The following MFAP3L variants were observed in gnomAD, a reference collection of about 807,000 sequenced individuals.
The protein encoded by MFAP3L is microfibril associated protein 3 like, also known as microfibrillar-associated protein 3-like.
A neutral mutation model predicts 20.0 loss-of-function variants in MFAP3L; 5 were observed. The observed-to-expected ratio is 0.25, with a 90% CI of 0.13 to 0.53. The LOEUF is 0.53. Among genes scored for constraint, MFAP3L ranks in the 20% least tolerant of loss-of-function variants. The pLI, the probability that MFAP3L is intolerant of heterozygous loss-of-function variation, is 0.96. For synonymous variants in MFAP3L, 219 were observed against 213.0 expected, an observed-to-expected ratio of 1.03 and a Z score of -0.25; for missense variants, 409 against 527.5, an observed-to-expected ratio of 0.78 and a Z score of 2.20.
At chr4:170,004,437 A>C (rs1464130061) in intron 2 of MFAP3L, among the ~76,000 whole-genome samples, 1 of 152,214 alleles carries the variant, frequency 6.6e-6, no homozygotes, top group Admixed American at 6.5e-5. Context: ...GAAGCTTTAT[A>C]ATGCTCTACA....
In MFAP3L at chr4:169,991,613, T is replaced by G. The variant is rs747565582; in HGVS notation, c.995A>C (p.Asp332Ala). Residue 332 changes from aspartate to alanine, a missense_variant, in exon 3 of 3, where the codon GAC (aspartate) becomes GCC (alanine). Around this residue, in one of 3 missense-constraint regions of MFAP3L, gnomAD observed 169 missense variants for 178.2 expected, o/e 0.95. Coordinates refer to ENST00000361618, the MANE Select transcript of MFAP3L (RefSeq NM_021647.8). This position sits in a 1 kb window ranked among gnomAD's most constrained non-coding sequence, Gnocchi z 4.9. ...GACTTCAAACTGTCCACCCTCTTGG[T>G]CATCTGCATGCTCTTTTTTGGACTG... ...HPQSKKEHAD[D>A]QEGGQFEVKD... 6.2e-7 allele frequency: 1 copy of G among 1,614,184 alleles called. No homozygotes were observed. The highest frequency in any genetic ancestry group is 8.5e-7 in the Non-Finnish European group (1 of 1,180,036).
chr4:170,010,717 A>G (rs1739322827), intron 1 of MFAP3L, among the ~76,000 whole-genome samples: 1 of 151,658 alleles, frequency 6.6e-6, no homozygotes, highest in African/African-American at 2.4e-5. Flanking sequence ...TGAGCTGTTC[A>G]TGTCATCAGA....
rs756989203 is a variant in MFAP3L at position 169,991,639 on chromosome 4, C to T, written c.969G>A (p.Pro323=). The stretch of plus-strand genomic sequence containing the variant: ...CATCTGCATGCTCTTTTTTGGACTG[C>T]GGGTGAACTGACACCTTGATGGCAA... The part of the protein sequence containing the change: ...QQIAIKVSVH[P]QSKKEHADDQ... Residue 323 remains proline (P), a synonymous_variant, in exon 3 of 3, where the codon CCG becomes CCA. Coordinates refer to ENST00000361618, the MANE Select transcript of MFAP3L (RefSeq NM_021647.8). The surrounding 1 kb of genome is among the most constrained non-coding windows in gnomAD (Gnocchi z 4.9). The T allele has an allele frequency of 1.9e-5, 31 of 1,614,002 alleles. No homozygotes were observed. Among genetic ancestry groups the T allele is most frequent in the Non-Finnish European group, 2.4e-5 (28 of 1,180,022 alleles).
chr4:170,006,117 T>A, intron 1 of MFAP3L, 107 bp from the exon 2 acceptor site: 7 of 531,206 alleles, frequency 1.3e-5, no homozygotes, highest in Admixed American at 1.1e-4. Context: ...TCAACATACT[T>A]TTTTTTTTTT....
intron 1 of MFAP3L, among the ~76,000 whole-genome samples, chr4:170,013,769 T>C (rs374592843): frequency 6.6e-6 from 1 of 152,222 alleles, no homozygotes; most frequent in African/African-American, 2.4e-5. Flanking sequence ...GAGCACATAA[T>C]GTCAAATTCT....
intron 1 of MFAP3L, among the ~76,000 whole-genome samples, chr4:170,010,745 A>C (rs1560984536): frequency 6.6e-6 from 1 of 151,224 alleles, no homozygotes; most frequent in Non-Finnish European, 1.5e-5. Context: ...CTGGTCAACA[A>C]CCGGCTATTA....
chr4:169,989,856 C>T lies in MFAP3L; in HGVS notation c.*1522G>A, dbSNP rs1403113040. 2.0e-5 allele frequency: 3 copies of T among 152,196 alleles called. No individual in the cohort carries two copies. Among genetic ancestry groups the T allele is most frequent in the Non-Finnish European group, 4.4e-5 (3 of 68,032 alleles). The allele number at this position is 152,196 out of a possible 1,614,324, so 9.4% of individuals were successfully genotyped here. A position where few individuals can be genotyped will look rare whatever the true frequency, so the allele number is the denominator to read the frequency against. On this transcript the variant is annotated 3_prime_UTR_variant, in exon 3 of 3. Coordinates refer to ENST00000361618, the MANE Select transcript of MFAP3L (RefSeq NM_021647.8). ...TTAAATCTTAATTGCAGATGTGGTC[C>T]TAATGGTTTTTTTGGAAGGAGAAGA...
At chr4:170,000,498 T>G (rs770930399) in intron 2 of MFAP3L, among the ~76,000 whole-genome samples, 39 of 152,186 alleles carry the variant, frequency 2.6e-4, no homozygotes, top group Non-Finnish European at 4.4e-4. Flanking sequence ...GCTTGCTATA[T>G]TCCAGGTACC....
At position 170,004,988 on chromosome 4, in the gene MFAP3L, T is replaced by C. The variant is rs1242890597; in HGVS notation, c.298+592A>G. 2.6e-5 allele frequency: 4 copies of C among 152,690 alleles called. No homozygotes were observed. The East Asian group carries it at 7.7e-4, about 29-fold the overall frequency. 9.5% of individuals were successfully genotyped at this position (152,690 alleles called of 1,614,324 possible). A position where few individuals can be genotyped will look rare whatever the true frequency, so the allele number is the denominator to read the frequency against. ...TTTCCCGGAGTGAGGTGACTCACAC[T>C]TTTTGGTCAGAAATGCATTTATTAA... is the stretch of plus-strand genomic sequence containing the variant. On this transcript the variant is annotated intron_variant, in intron 2 of 2. Transcript: ENST00000361618.
chr4:170,015,014 C>T (rs1739610000), intron 1 of MFAP3L, among the ~76,000 whole-genome samples: 1 of 152,220 alleles, frequency 6.6e-6, no homozygotes, highest in Non-Finnish European at 1.5e-5. Flanking sequence ...GAAGAATTCA[C>T]TGCAGGTCTC....
intron 2 of MFAP3L, 137 bp downstream of exon 2, chr4:170,005,443 T>C: frequency 1.0e-6 from 1 of 995,678 alleles, no homozygotes; most frequent in Non-Finnish European, 1.5e-6. Flanking sequence ...AGGATATATA[T>C]TCTCTCCTGC....
intron 2 of MFAP3L, chr4:169,994,976 C>CA (rs1738029951): frequency 6.6e-6 from 1 of 152,128 alleles, no homozygotes; most frequent in Non-Finnish European, 1.5e-5. Context: ...TTACCTATAG[C>CA]ATGAGCTGTA....
At chr4:170,021,321 A>G (rs1466636090) in intron 1 of MFAP3L, among the ~76,000 whole-genome samples, 1 of 152,142 alleles carries the variant, frequency 6.6e-6, no homozygotes, top group African/African-American at 2.4e-5. Flanking sequence ...TCTCACTCCT[A>G]AATATCTGGC....
rs1288173290 is a variant in MFAP3L, at chr4:169,990,880, A to G, written c.*498T>C. 1.3e-5 allele frequency: 2 copies of G among 156,674 alleles called. No homozygotes were observed. Among genetic ancestry groups the G allele is most frequent in the Admixed American group, 1.2e-4 (2 of 16,330 alleles). 9.7% of individuals were successfully genotyped at this position (156,674 alleles called of 1,614,324 possible). The stretch of plus-strand genomic sequence containing the variant: ...GGACAAAAGTGGCAATGAGGACTAA[A>G]CCAGAAAGAACAATTAGTATTAATA... On this transcript the variant is annotated 3_prime_UTR_variant, in exon 3 of 3. Coordinates refer to ENST00000361618, the MANE Select transcript of MFAP3L (RefSeq NM_021647.8).
chr4:170,006,611 GCT>G (rs1739052814), intron 1 of MFAP3L: 2 of 152,248 alleles, frequency 1.3e-5, no homozygotes, highest in South Asian at 4.1e-4. Context: ...ACCATGACAA[GCT>G]CTCTTTCCTC....
intron 2 of MFAP3L, among the ~76,000 whole-genome samples, chr4:169,995,404 G>A (rs879616397): frequency 5.9e-5 from 9 of 152,094 alleles, no homozygotes; most frequent in Non-Finnish European, 1.3e-4. Flanking sequence ...GCCTCAGCCT[G>A]CCCTTCCATT....
intron 2 of MFAP3L, among the ~76,000 whole-genome samples, chr4:170,003,337 G>A (rs1738805895): frequency 6.6e-6 from 1 of 152,128 alleles, no homozygotes; most frequent in Non-Finnish European, 1.5e-5. Context: ...GGGGTCTACT[G>A]ACAGGCTACT....
chr4:169,986,928 A>G lies in MFAP3L; in HGVS notation c.*4450T>C, dbSNP rs1309055027. Reference sequence around the variant, plus strand: ...TTGGAGGCTATTTTATTGGCTAAATAAAAATAATTTATGCCAGAATATTCT... The same window carrying G: ...TTGGAGGCTATTTTATTGGCTAAATGAAAATAATTTATGCCAGAATATTCT... On this transcript the variant is annotated 3_prime_UTR_variant, in exon 3 of 3. Transcript: ENST00000361618. 3 of 152,210 alleles carry G rather than the reference A, an allele frequency of 2.0e-5. No homozygotes were observed. The highest frequency in any genetic ancestry group is 1.3e-4 in the Admixed American group (2 of 15,278). The allele number at this position is 152,210 out of a possible 1,614,324, so 9.4% of individuals were successfully genotyped here.
In MFAP3L at chr4:170,012,196, T is replaced by C. The variant is rs189482248; in HGVS notation, c.-133-6186A>G. Among the ~76,000 whole-genome samples the C allele has an allele frequency of 1.3e-3, 199 of 152,158 alleles. 2 individuals are homozygous for C. The South Asian group carries it at 0.015, about 11-fold the overall frequency. ...TATTATACAATATCCAGGAAGGAAA[T>C]GAACGGGGGCCTGAACCAAAAGCAG... On this transcript the variant is annotated intron_variant, in intron 1 of 2. Transcript: ENST00000361618.
Sources: gnomAD v4.1 joint callset for allele counts (sites outside exome capture counted in the v4.1 genomes callset) on GRCh38, gnomAD v4.1.1 for gene constraint, gnomAD v4.1.1 regional missense constraint, Gnocchi (gnomAD v3.1) non-coding constraint, MANE v1.5 for transcripts, NCBI Gene and HGNC (gene_info 2026-07-23, HGNC 2026-07-21) for gene names.